Variants in HECW1 observed in about 807,000 individuals in gnomAD.
HECW1 encodes the protein E3 ubiquitin-protein ligase HECW1.
HECW1 carries 61 observed loss-of-function variants against 182.3 expected under a neutral mutation model. The observed-to-expected ratio is 0.33, with a 90% confidence interval of 0.27 to 0.41. The LOEUF (loss-of-function observed/expected upper bound fraction) is 0.41. HECW1 is among the 10% of genes least tolerant of loss of function. The probability of loss-of-function intolerance (pLI) is 1.00; values close to 1 mark genes in which losing one functional copy is unlikely to be tolerated. For missense variants in HECW1, 1,739 were observed against 2,108.9 expected (o/e 0.82, Z 3.44); for synonymous variants, 859 against 832.6 (o/e 1.03, Z -0.55).
Position 43,308,248 on chromosome 7 carries a change from A to ATT in HECW1, c.28-3514_28-3513insTT, listed in dbSNP as rs1238950445. Among the ~76,000 whole-genome samples, 244 of 110,628 alleles carry ATT rather than the reference A, an allele frequency of 2.2e-3. 21 individuals carry two copies. The highest frequency in any genetic ancestry group is 8.2e-3 in the African/African-American group (214 of 26,082). 72.6% of individuals were successfully genotyped at this position (110,628 alleles called of 152,430 possible). A position where few individuals can be genotyped will look rare whatever the true frequency, so the allele number is the denominator to read the frequency against. ...ATTTTTATATAATAATATATAATATATATATATTATATGATATATTTATAT... is the reference window on the plus strand; with the variant it reads ...ATTTTTATATAATAATATATAATATATTTATATATTATATGATATATTTATAT... On this transcript the variant is annotated intron_variant, in intron 3 of 29. Coordinates refer to ENST00000395891, the MANE Select transcript of HECW1 (RefSeq NM_015052.5).
chr7:43,551,977 C>A (rs551033882), intron 27 of HECW1, among the ~76,000 whole-genome samples: 259 of 152,192 alleles, frequency 1.7e-3, no homozygotes, highest in Admixed American at 4.1e-3. Context: ...AAGCACCCCC[C>A]CAAAGGCCCC....
rs140304141 is a variant in HECW1 at position 43,166,122 on chromosome 7, C to T, written c.-32+51731C>T. On this transcript the variant is annotated intron_variant, in intron 2 of 29. Transcript: ENST00000395891. ...TTTTTGAGACAGAGTTTCACTCTTT[C>T]GCCCAGGCTGGAGTGAAGTGGTGCT... 3.5e-3 allele frequency among the ~76,000 whole-genome samples: 536 copies of T among 152,256 alleles called. 5 individuals are homozygous for T. The highest frequency in any genetic ancestry group is 5.7e-3 in the Non-Finnish European group (385 of 68,016).
intron 2 of HECW1, among the ~76,000 whole-genome samples, chr7:43,132,148 C>CTGGG (rs1251533481): frequency 6.6e-5 from 10 of 152,046 alleles, no homozygotes; most frequent in African/African-American, 2.4e-4. Context: ...TTTGCATCTC[C>CTGGG]ACACAGCCCC....
At chr7:43,153,569 T>G (rs2152647795) in intron 2 of HECW1, among the ~76,000 whole-genome samples, 1 of 152,262 alleles carries the variant, frequency 6.6e-6, no homozygotes, top group East Asian at 1.9e-4. Context: ...TTTGTATTGG[T>G]TGTGCAGCTG....
At chr7:43,333,758 A>G (rs1196906065) in intron 5 of HECW1, among the ~76,000 whole-genome samples, 1 of 152,194 alleles carries the variant, frequency 6.6e-6, no homozygotes, top group East Asian at 1.9e-4. Context: ...AGGAAGAGAC[A>G]GGGAAATGCG....
chr7:43,393,156 G>A (rs2152835730), intron 6 of HECW1, among the ~76,000 whole-genome samples: 1 of 152,232 alleles, frequency 6.6e-6, no homozygotes, highest in South Asian at 2.1e-4. Context: ...GACACACACA[G>A]TGAAACTGCC....
chr7:43,400,550 C>G (rs190879020), intron 7 of HECW1, among the ~76,000 whole-genome samples: 1 of 152,270 alleles, frequency 6.6e-6, no homozygotes, highest in East Asian at 1.9e-4. Flanking sequence ...ATTCTATTGA[C>G]AGATACCTAC....
chr7:43,139,368 T>C (rs2152630636), intron 2 of HECW1, among the ~76,000 whole-genome samples: 1 of 152,348 alleles, frequency 6.6e-6, no homozygotes, highest in African/African-American at 2.4e-5. Context: ...AAAATGCTAC[T>C]GGCTTGGCTC....
At chr7:43,113,302 C>G (rs1360117120) in intron 1 of HECW1, among the ~76,000 whole-genome samples, 1 of 152,198 alleles carries the variant, frequency 6.6e-6, no homozygotes, top group East Asian at 1.9e-4. Context: ...GAGAGACCTA[C>G]GTAATCCCCC....
At chr7:43,489,016 G>T (rs1199229041) in intron 17 of HECW1, among the ~76,000 whole-genome samples, 1 of 152,150 alleles carries the variant, frequency 6.6e-6, no homozygotes, top group South Asian at 2.1e-4. Context: ...CACCATTAAT[G>T]AATTTCCTGT....
intron 5 of HECW1, among the ~76,000 whole-genome samples, chr7:43,359,604 T>A (rs1381383361): frequency 4.6e-5 from 7 of 152,236 alleles, no homozygotes; most frequent in Admixed American, 2.0e-4. Context: ...AAGCAAAATG[T>A]ATTATTCTAT....
intron 3 of HECW1, among the ~76,000 whole-genome samples, chr7:43,282,393 G>A (rs1031392518): frequency 6.6e-6 from 1 of 152,220 alleles, no homozygotes; most frequent in Non-Finnish European, 1.5e-5. Flanking sequence ...ACAGGAGCTG[G>A]CGACAAGGGT....
chr7:43,463,598 A>C (rs2077659806), intron 13 of HECW1, 62 bp from the exon 14 acceptor site: 1 of 1,491,784 alleles, frequency 6.7e-7, no homozygotes, highest in Admixed American at 1.8e-5. Flanking sequence ...TCTGATTCAG[A>C]GTTTTGGCCC....
chr7:43,273,006 A>G (rs1802602147), intron 3 of HECW1, among the ~76,000 whole-genome samples: 1 of 152,214 alleles, frequency 6.6e-6, no homozygotes, highest in Admixed American at 6.5e-5. Context: ...AGAATGAATC[A>G]TGTCCTTTGC....
intron 11 of HECW1, among the ~76,000 whole-genome samples, chr7:43,450,406 G>A (rs2077193118): frequency 6.6e-6 from 1 of 152,194 alleles, no homozygotes; most frequent in Non-Finnish European, 1.5e-5. Flanking sequence ...GTGAGGAGGT[G>A]TCATTTTGCA....
chr7:43,266,243 C>T (rs1024123654), intron 3 of HECW1, among the ~76,000 whole-genome samples: 3 of 152,156 alleles, frequency 2.0e-5, no homozygotes, highest in African/African-American at 7.2e-5. Flanking sequence ...CAAGAGCTAC[C>T]TCATTACCAT....
intron 2 of HECW1, among the ~76,000 whole-genome samples, chr7:43,126,341 T>C (rs1044121758): frequency 5.9e-5 from 9 of 152,178 alleles, no homozygotes; most frequent in African/African-American, 1.7e-4. Flanking sequence ...ATAACACATA[T>C]ATATCATTGT....
intron 5 of HECW1, among the ~76,000 whole-genome samples, chr7:43,328,973 G>A (rs1811131101): frequency 6.6e-6 from 1 of 152,116 alleles, no homozygotes. Context: ...TGGTCTCCAG[G>A]GGCTCAGATC....
chr7:43,536,073 G>A (rs184429528), intron 24 of HECW1, among the ~76,000 whole-genome samples: 79 of 152,256 alleles, frequency 5.2e-4, no homozygotes, highest in South Asian at 1.2e-3. Context: ...TCATCTGAAG[G>A]AAAACAGAGC....
Sources: allele counts gnomAD v4.1 joint callset (sites outside exome capture counted in the v4.1 genomes callset), GRCh38; gene constraint gnomAD v4.1.1; transcripts MANE v1.5; gene names NCBI Gene and HGNC (gene_info 2026-07-23, HGNC 2026-07-21).